NETO1: variants seen among roughly 807,000 people sequenced by gnomAD.
NETO1 encodes neuropilin and tolloid-like protein 1.
NETO1 carries 26 observed loss-of-function variants against 61.3 expected under a neutral mutation model. That is an observed-to-expected ratio of 0.42 (90% CI 0.31 to 0.59). NETO1 has a LOEUF of 0.59. Among genes scored for constraint, NETO1 ranks in the 20% least tolerant of loss-of-function variants. The pLI is 0.12. For synonymous variants in NETO1, 225 were observed against 225.8 expected (o/e 1.00, Z 0.03); for missense variants, 531 against 662.8 (o/e 0.80, Z 2.18).
chr18:72,795,856 C>T (rs1289863105), intron 4 of NETO1, among the ~76,000 whole-genome samples: 44 of 152,162 alleles, frequency 2.9e-4, no homozygotes, highest in Admixed American at 2.9e-3. Context: ...TATTATTCTT[C>T]CTGCCTACCT....
intron 7 of NETO1, among the ~76,000 whole-genome samples, chr18:72,758,385 T>TTGTGTGTG (rs71166416): frequency 0.022 from 3,130 of 142,854 alleles, 117 homozygotes; most frequent in African/African-American, 0.074. Flanking sequence ...TTTTTTTTCT[T>TTGTGTGTG]TGTGTGTGTG....
At chr18:72,834,286 C>G (rs1470308034) in intron 4 of NETO1, 7 of 833,462 alleles carry the variant, frequency 8.4e-6, no homozygotes, top group Non-Finnish European at 1.0e-5. Flanking sequence ...ACAATAATAA[C>G]AGAAAAAATT....
At position 72,745,173 on chromosome 18, in the gene NETO1, T is replaced by C. The variant is rs1175748151; in HGVS notation, c.*3006A>G. 1 of 152,192 alleles carries C rather than the reference T, an allele frequency of 6.6e-6. No individual in the cohort carries two copies. The highest frequency in any genetic ancestry group is 1.5e-5 in the Non-Finnish European group (1 of 68,036). The allele number at this position is 152,192 out of a possible 1,614,324, so 9.4% of individuals were successfully genotyped here. A position where few individuals can be genotyped will look rare whatever the true frequency, so the allele number is the denominator to read the frequency against. ...GGACAGCCACATTTTGGTTACAAAA[T>C]CAAATTCAAGTTAATTATGGCAAAT... On this transcript the variant is annotated 3_prime_UTR_variant, in exon 11 of 11. Transcript: ENST00000327305.
chr18:72,766,459 T>C (rs1844771829), intron 7 of NETO1, among the ~76,000 whole-genome samples: 1 of 152,062 alleles, frequency 6.6e-6, no homozygotes, highest in African/African-American at 2.4e-5. Context: ...ATTTGAAAAA[T>C]GGTGACCAGA....
intron 4 of NETO1, among the ~76,000 whole-genome samples, chr18:72,842,845 G>A (rs2073976510): frequency 6.6e-6 from 1 of 152,158 alleles, no homozygotes; most frequent in Admixed American, 6.5e-5. Flanking sequence ...TCATAGGTAT[G>A]CTATAAACTA....
intron 4 of NETO1, among the ~76,000 whole-genome samples, chr18:72,853,860 A>C (rs1016492073): frequency 6.6e-6 from 1 of 152,138 alleles, no homozygotes; most frequent in Non-Finnish European, 1.5e-5. Context: ...TTGAATAAAT[A>C]ATACGAAGAT....
chr18:72,779,690 G>T (rs2071673019), intron 7 of NETO1, among the ~76,000 whole-genome samples: 1 of 152,080 alleles, frequency 6.6e-6, no homozygotes, highest in African/African-American at 2.4e-5. Context: ...TTGATCTTAG[G>T]TATAAATAAT....
intron 7 of NETO1, among the ~76,000 whole-genome samples, chr18:72,777,138 C>T (rs978937593): frequency 6.6e-6 from 1 of 152,166 alleles, no homozygotes; most frequent in Non-Finnish European, 1.5e-5. Flanking sequence ...ATTTTCTTGG[C>T]CAGGCACAGT....
At chr18:72,842,306 C>T (rs2073959299) in intron 4 of NETO1, among the ~76,000 whole-genome samples, 1 of 152,010 alleles carries the variant, frequency 6.6e-6, no homozygotes. Context: ...TATGTATACA[C>T]ATGTATGACA....
intron 4 of NETO1, among the ~76,000 whole-genome samples, chr18:72,821,489 T>C (rs7233550): frequency 0.52 from 76,470 of 147,972 alleles, 21,666 homozygotes; most frequent in African/African-American, 0.76. Flanking sequence ...CGCTTGAACC[T>C]AGGAGGTGGA....
At chr18:72,770,391 T>C (rs1043157105) in intron 7 of NETO1, among the ~76,000 whole-genome samples, 6 of 152,130 alleles carry the variant, frequency 3.9e-5, no homozygotes, top group African/African-American at 9.6e-5. Flanking sequence ...TTGAAATGTA[T>C]GTATATTTGA....
chr18:72,855,278 C>T lies in NETO1; in HGVS notation c.469+3548G>A, dbSNP rs142475034. Among the ~76,000 whole-genome samples the T allele has an allele frequency of 6.6e-5, 10 of 152,312 alleles. No homozygotes were observed. The East Asian group carries it at 1.7e-3, about 26-fold the overall frequency. On this transcript the variant is annotated intron_variant, in intron 4 of 10. Transcript: ENST00000327305. The stretch of plus-strand genomic sequence containing the variant: ...TCACAAGGCTCTGCGCCCCCTGGCC[C>T]TTCTACAAGCCTCACTCTTATCCTT...
chr18:72,792,636 A>G (rs1314706174), intron 6 of NETO1, among the ~76,000 whole-genome samples: 3 of 151,044 alleles, frequency 2.0e-5, no homozygotes, highest in African/African-American at 4.9e-5. Flanking sequence ...TCTTTGCAGG[A>G]AAAAAAACAA....
intron 7 of NETO1, among the ~76,000 whole-genome samples, chr18:72,769,810 A>G (rs2071291467): frequency 6.6e-6 from 1 of 152,104 alleles, no homozygotes. Flanking sequence ...TCAATCTACC[A>G]CATCATCTTA....
chr18:72,803,423 A>G (rs2072570822), intron 4 of NETO1, among the ~76,000 whole-genome samples: 1 of 152,232 alleles, frequency 6.6e-6, no homozygotes. Context: ...GAAATTCATC[A>G]ATACGGTTTG....
chr18:72,854,268 C>T (rs2074347634), intron 4 of NETO1, among the ~76,000 whole-genome samples: 1 of 152,182 alleles, frequency 6.6e-6, no homozygotes, highest in South Asian at 2.1e-4. Flanking sequence ...AACAACTCCA[C>T]TCACTTCAAT....
At chr18:72,853,625 T>C (rs1359733955) in intron 4 of NETO1, among the ~76,000 whole-genome samples, 1 of 151,492 alleles carries the variant, frequency 6.6e-6, no homozygotes, top group African/African-American at 2.4e-5. Flanking sequence ...ATGCGTGGAG[T>C]TGCATGCCTG....
chr18:72,775,635 A>G (rs1009560295), intron 7 of NETO1, among the ~76,000 whole-genome samples: 1 of 152,212 alleles, frequency 6.6e-6, no homozygotes, highest in African/African-American at 2.4e-5. Flanking sequence ...CTGACATATG[A>G]GAATAACTGT....
chr18:72,841,601 G>A (rs544963758), intron 4 of NETO1, among the ~76,000 whole-genome samples: 103 of 151,954 alleles, frequency 6.8e-4, no homozygotes, highest in Non-Finnish European at 1.0e-3. Flanking sequence ...GGGCATGGTA[G>A]TGTGCGCCTG....
Sources: allele counts gnomAD v4.1 joint callset (sites outside exome capture counted in the v4.1 genomes callset), GRCh38; gene constraint gnomAD v4.1.1; transcripts MANE v1.5; gene names NCBI Gene and HGNC (gene_info 2026-07-23, HGNC 2026-07-21).